SGPP1: variants seen among roughly 807,000 people sequenced by gnomAD.
SGPP1 encodes the protein hSPP1.
In SGPP1, 21 loss-of-function variants were observed where a neutral mutation model predicts 33.0. That is an observed-to-expected ratio of 0.64 (90% CI 0.45 to 0.92). SGPP1 has a LOEUF of 0.92. Among genes scored for constraint, SGPP1 ranks in the 40% least tolerant of loss-of-function variants. SGPP1 has a pLI of 0.00. For synonymous variants in SGPP1, 239 were observed against 241.2 expected (o/e 0.99, Z 0.08); for missense variants, 543 against 589.4 (o/e 0.92, Z 0.81).
intron 1 of SGPP1, among the ~76,000 whole-genome samples, chr14:63,724,856 T>C (rs1447047202): frequency 2.7e-5 from 4 of 148,626 alleles, no homozygotes; most frequent in African/African-American, 5.0e-5. Flanking sequence ...CACTCCAGCC[T>C]GGGCAACAGA....
intron 1 of SGPP1, among the ~76,000 whole-genome samples, chr14:63,706,475 T>C (rs1256880741): frequency 1.3e-5 from 2 of 152,206 alleles, no homozygotes; most frequent in African/African-American, 4.8e-5. Flanking sequence ...ATATCCAGAA[T>C]GTGACCACTT....
At chr14:63,699,067 T>C (rs961350705) in intron 1 of SGPP1, among the ~76,000 whole-genome samples, 8 of 152,176 alleles carry the variant, frequency 5.3e-5, no homozygotes, top group South Asian at 2.1e-4. Context: ...GGGAGGAGGA[T>C]TGGCATTATC....
intron 1 of SGPP1, among the ~76,000 whole-genome samples, chr14:63,707,038 C>T (rs1230896434): frequency 1.7e-5 from 2 of 114,780 alleles, no homozygotes; most frequent in Non-Finnish European, 3.3e-5. Flanking sequence ...GAGACTCTGT[C>T]CCAAAAAAAA....
At chr14:63,698,191 T>C (rs1289094049) in intron 2 of SGPP1, among the ~76,000 whole-genome samples, 12 of 152,212 alleles carry the variant, frequency 7.9e-5, no homozygotes, top group Non-Finnish European at 1.6e-4. Flanking sequence ...TCACATAGTT[T>C]CTAGTCACTA....
chr14:63,686,751 T>C (rs750589827), intron 2 of SGPP1, 95 bp from the exon 3 acceptor site: 9 of 912,988 alleles, frequency 9.9e-6, no homozygotes, highest in Middle Eastern at 6.9e-4. Context: ...ATGTTGAATA[T>C]ACATAAATTT....
At chr14:63,688,364 G>GT (rs1885027361) in intron 2 of SGPP1, among the ~76,000 whole-genome samples, 1 of 147,640 alleles carries the variant, frequency 6.8e-6, no homozygotes, top group Non-Finnish European at 1.5e-5. Context: ...ATTGACAACT[G>GT]TAACTTGATG....
chr14:63,716,895 G>T (rs1327022586), intron 1 of SGPP1, among the ~76,000 whole-genome samples: 1 of 152,028 alleles, frequency 6.6e-6, no homozygotes, highest in Non-Finnish European at 1.5e-5. Flanking sequence ...GTTTCTGCAT[G>T]TTGGCCAGGC....
chr14:63,727,220 T>C (rs751518255), intron 1 of SGPP1, 41 bp downstream of exon 1: 5 of 1,532,732 alleles, frequency 3.3e-6, no homozygotes, highest in Middle Eastern at 1.8e-4. Context: ...TCCGAGTTCT[T>C]TGAACTCCCC....
chr14:63,706,314 C>T (rs1051283069), intron 1 of SGPP1, among the ~76,000 whole-genome samples: 22 of 152,026 alleles, frequency 1.4e-4, no homozygotes, highest in Admixed American at 6.6e-4. Context: ...GAAGAGGGTT[C>T]CCTTTTGGGG....
intron 1 of SGPP1, among the ~76,000 whole-genome samples, chr14:63,707,593 T>C (rs1038817307): frequency 6.6e-6 from 1 of 151,150 alleles, no homozygotes; most frequent in Non-Finnish European, 1.5e-5. Flanking sequence ...TGGAGTGCAA[T>C]GGCGCGATCT....
At chr14:63,693,057 T>C (rs1350581953) in intron 2 of SGPP1, among the ~76,000 whole-genome samples, 4 of 152,090 alleles carry the variant, frequency 2.6e-5, no homozygotes, top group African/African-American at 4.8e-5. Flanking sequence ...ACCTCCCAAG[T>C]AGCTGGGACC....
rs1308151377 is a variant in SGPP1, at chr14:63,728,041, T to C, written c.-97A>G. 18 of 1,254,120 alleles carry C rather than the reference T, an allele frequency of 1.4e-5. No individual in the cohort carries two copies. The highest frequency in any genetic ancestry group is 4.0e-5 in the Admixed American group (1 of 25,130). The allele number at this position is 1,254,120 out of a possible 1,614,324, so 77.7% of individuals were successfully genotyped here. A position where few individuals can be genotyped will look rare whatever the true frequency, so the allele number is the denominator to read the frequency against. On this transcript the variant is annotated 5_prime_UTR_variant, in exon 1 of 3. Coordinates refer to ENST00000247225, the MANE Select transcript of SGPP1 (RefSeq NM_030791.4). ...CGGCAGCGGAACCGGCACAGCGCTCTACCCTCCGGAGTCTGCCGGGTGACG... is the reference window on the plus strand; with the variant it reads ...CGGCAGCGGAACCGGCACAGCGCTCCACCCTCCGGAGTCTGCCGGGTGACG...
chr14:63,707,168 T>C (rs1885425959), intron 1 of SGPP1, among the ~76,000 whole-genome samples: 1 of 152,130 alleles, frequency 6.6e-6, no homozygotes, highest in Non-Finnish European at 1.5e-5. Flanking sequence ...TCAGTGTTAT[T>C]ACTGTTTCTC....
intron 2 of SGPP1, among the ~76,000 whole-genome samples, chr14:63,693,418 T>C (rs1381893105): frequency 6.6e-6 from 1 of 152,236 alleles, no homozygotes; most frequent in African/African-American, 2.4e-5. Context: ...TTAAATTTCA[T>C]GAGTGATTTA....
At chr14:63,716,827 G>C (rs997875142) in intron 1 of SGPP1, among the ~76,000 whole-genome samples, 1 of 151,928 alleles carries the variant, frequency 6.6e-6, no homozygotes, top group Non-Finnish European at 1.5e-5. Context: ...CCAAGTAGCT[G>C]GGATTACAGG....
rs1417999078 is a variant in SGPP1 at position 63,684,556 on chromosome 14, C to CA, written c.*1548dup. On this transcript the variant is annotated 3_prime_UTR_variant, in exon 3 of 3. Coordinates refer to ENST00000247225, the MANE Select transcript of SGPP1 (RefSeq NM_030791.4). ...AAAAATTACCATGCCCCTAAATTCT[C>CA]AATCAGAATTATAAAAATATGAGCT... 1 of 152,430 alleles carries CA rather than the reference C, an allele frequency of 6.6e-6. No individual in the cohort carries two copies. Among genetic ancestry groups the CA allele is most frequent in the Non-Finnish European group, 1.5e-5 (1 of 67,918 alleles). The allele number at this position is 152,430 out of a possible 1,614,324, so 9.4% of individuals were successfully genotyped here. A position where few individuals can be genotyped will look rare whatever the true frequency, so the allele number is the denominator to read the frequency against.
At chr14:63,718,998 ATATATATATATATATATTTTTTT>A (rs1885699623) in intron 1 of SGPP1, among the ~76,000 whole-genome samples, 2 of 21,078 alleles carry the variant, frequency 9.5e-5, no homozygotes, top group African/African-American at 4.7e-4. Flanking sequence ...ATATATATAT[ATATATATATATATATATTTTTTT>A]TTTTTTTTTT....
chr14:63,726,318 G>C (rs577701071), intron 1 of SGPP1, among the ~76,000 whole-genome samples: 2 of 152,220 alleles, frequency 1.3e-5, no homozygotes, highest in South Asian at 2.1e-4. Context: ...TAAAATAAGG[G>C]ACTGGTCTGC....
At chr14:63,722,808 AC>A (rs1288668575) in intron 1 of SGPP1, among the ~76,000 whole-genome samples, 4 of 151,402 alleles carry the variant, frequency 2.6e-5, no homozygotes, top group Non-Finnish European at 5.9e-5. Context: ...TCTATAACAA[AC>A]AAACAAACAA....
Sources: gnomAD v4.1 joint callset for allele counts (sites outside exome capture counted in the v4.1 genomes callset) on GRCh38, gnomAD v4.1.1 for gene constraint, MANE v1.5 for transcripts, NCBI Gene and HGNC (gene_info 2026-07-23, HGNC 2026-07-21) for gene names.